PTPRZ1: variants seen among roughly 807,000 people sequenced by gnomAD.
The protein encoded by PTPRZ1 is protein tyrosine phosphatase receptor type Z1, also known as receptor-type tyrosine-protein phosphatase zeta.
A neutral mutation model predicts 214.1 loss-of-function variants in PTPRZ1; 82 were observed. The ratio of observed to expected loss-of-function variants is 0.38; its 90% confidence interval spans 0.32 to 0.46. PTPRZ1 has a LOEUF of 0.46. PTPRZ1 is among the 20% of genes least tolerant of loss of function. PTPRZ1 has a pLI of 1.00. For synonymous variants in PTPRZ1, 945 were observed against 987.9 expected (o/e 0.96, Z 0.81); for missense variants, 2,603 against 2,748.7 (o/e 0.95, Z 1.19).
intron 10 of PTPRZ1, among the ~76,000 whole-genome samples, chr7:122,003,134 A>G (rs927746457): frequency 6.6e-6 from 1 of 152,182 alleles, no homozygotes; most frequent in Non-Finnish European, 1.5e-5. Context: ...TTGGAAACGT[A>G]AAGAATAAAG....
At chr7:121,966,450 G>A (rs768813784) in intron 2 of PTPRZ1, among the ~76,000 whole-genome samples, 11 of 152,158 alleles carry the variant, frequency 7.2e-5, no homozygotes, top group Non-Finnish European at 1.3e-4. Context: ...AAAATAAGCA[G>A]TGTTTTCTTG....
At chr7:122,039,938 T>C (rs1436728811) in intron 20 of PTPRZ1, among the ~76,000 whole-genome samples, 1 of 150,108 alleles carries the variant, frequency 6.7e-6, no homozygotes, top group Non-Finnish European at 1.5e-5. Flanking sequence ...GCTAAGATCA[T>C]GCCACTGCAC....
intron 28 of PTPRZ1, chr7:122,059,474 GT>G (rs11409860): frequency 7.6e-6 from 2 of 263,452 alleles, no homozygotes; most frequent in South Asian, 9.4e-5. Context: ...ATACTCTCAG[GT>G]TTTTTTTATT....
At position 121,910,538 on chromosome 7, in the gene PTPRZ1, A is replaced by T. The variant is rs2116306076; in HGVS notation, c.59-17618A>T. ...GGAACACTTTTTATTTTAATGAGCTATTCAGTATTTCAGTAAGCTATTAAA... is the reference window on the plus strand; with the variant it reads ...GGAACACTTTTTATTTTAATGAGCTTTTCAGTATTTCAGTAAGCTATTAAA... On this transcript the variant is annotated intron_variant, in intron 1 of 29. Transcript: ENST00000393386. 2.6e-5 allele frequency among the ~76,000 whole-genome samples: 4 copies of T among 152,248 alleles called. 1 individual carries two copies. In the South Asian group the frequency reaches 8.3e-4, roughly 32 times the overall value.
intron 1 of PTPRZ1, among the ~76,000 whole-genome samples, chr7:121,907,564 T>C (rs1795153233): frequency 6.6e-6 from 1 of 152,024 alleles, no homozygotes; most frequent in South Asian, 2.1e-4. Context: ...AATCATAGGA[T>C]TAAGAGAATA....
At chr7:121,991,530 C>T (rs1416798272) in intron 8 of PTPRZ1, among the ~76,000 whole-genome samples, 3 of 152,194 alleles carry the variant, frequency 2.0e-5, no homozygotes, top group Admixed American at 6.5e-5. Flanking sequence ...CCTGAAAAAA[C>T]GTCATAATGA....
chr7:121,938,990 C>T (rs1796167511), intron 2 of PTPRZ1, among the ~76,000 whole-genome samples: 1 of 152,142 alleles, frequency 6.6e-6, no homozygotes, highest in Non-Finnish European at 1.5e-5. Context: ...TAAGCTTCTA[C>T]CAGGGCAAAA....
intron 8 of PTPRZ1, among the ~76,000 whole-genome samples, chr7:121,993,633 T>G (rs1486454201): frequency 6.9e-6 from 1 of 143,944 alleles, no homozygotes; most frequent in Non-Finnish European, 1.5e-5. Context: ...CTGATTTCAA[T>G]AGGAAATATA....
At chr7:122,000,161 C>T (rs1798274146) in intron 10 of PTPRZ1, among the ~76,000 whole-genome samples, 1 of 152,096 alleles carries the variant, frequency 6.6e-6, no homozygotes, top group Admixed American at 6.6e-5. Flanking sequence ...ACCTGTTCCT[C>T]CAAAGTTTGG....
chr7:121,969,291 G>C (rs942056371), intron 3 of PTPRZ1, among the ~76,000 whole-genome samples: 1 of 152,132 alleles, frequency 6.6e-6, no homozygotes, highest in Non-Finnish European at 1.5e-5. Context: ...GCTGGGCGCA[G>C]TGGCTCACGC....
intron 15 of PTPRZ1, chr7:122,031,771 C>G: frequency 3.3e-6 from 1 of 301,352 alleles, no homozygotes; most frequent in Non-Finnish European, 6.1e-6. Context: ...CCAAGTTGTA[C>G]TGGTGGAAAC....
At chr7:122,018,710 A>T (rs1798920321) in intron 12 of PTPRZ1, among the ~76,000 whole-genome samples, 1 of 152,202 alleles carries the variant, frequency 6.6e-6, no homozygotes, top group Admixed American at 6.5e-5. Context: ...GGTTAAAAAT[A>T]ATCCTATTTA....
At chr7:122,050,848 A>G (rs987630731) in intron 23 of PTPRZ1, among the ~76,000 whole-genome samples, 3 of 152,150 alleles carry the variant, frequency 2.0e-5, no homozygotes, top group Non-Finnish European at 4.4e-5. Context: ...CAAAAATAAA[A>G]CACTGAATAA....
At chr7:122,039,662 A>T (rs1391709659) in intron 20 of PTPRZ1, 74 bp downstream of exon 20, 1 of 1,539,392 alleles carries the variant, frequency 6.5e-7, no homozygotes, top group Non-Finnish European at 8.8e-7. Context: ...TAAGCGATAG[A>T]ACCAAGAAAG....
intron 1 of PTPRZ1, among the ~76,000 whole-genome samples, chr7:121,898,113 G>A (rs1794854128): frequency 6.6e-6 from 1 of 152,028 alleles, no homozygotes; most frequent in Non-Finnish European, 1.5e-5. Context: ...TATATAGAGA[G>A]CTATCAGTCC....
At chr7:122,053,177 C>T (rs1389732491) in intron 25 of PTPRZ1, among the ~76,000 whole-genome samples, 1 of 152,066 alleles carries the variant, frequency 6.6e-6, no homozygotes, top group Non-Finnish European at 1.5e-5. Flanking sequence ...ACCCATGGAC[C>T]AATGCCCCCA....
rs1197572845 is a variant in PTPRZ1, at chr7:121,919,548, G to T, written c.59-8608G>T. Among the ~76,000 whole-genome samples, 3 of 152,000 alleles carry T rather than the reference G, an allele frequency of 2.0e-5. No homozygotes were observed. The East Asian group carries it at 5.8e-4, about 29-fold the overall frequency. On this transcript the variant is annotated intron_variant, in intron 1 of 29. Coordinates refer to ENST00000393386, the MANE Select transcript of PTPRZ1 (RefSeq NM_002851.3). ...TATCCTTTTCTTCATACATAGAAAT[G>T]CATCCCCCATCTTATGATTAATTTA...
chr7:121,901,809 A>G (rs531585451), intron 1 of PTPRZ1, among the ~76,000 whole-genome samples: 3 of 152,328 alleles, frequency 2.0e-5, no homozygotes, highest in South Asian at 4.1e-4. Flanking sequence ...ATATCAGGGT[A>G]CTTAGCATAC....
intron 1 of PTPRZ1, among the ~76,000 whole-genome samples, chr7:121,898,449 A>C (rs557680299): frequency 6.6e-6 from 1 of 152,336 alleles, no homozygotes; most frequent in Non-Finnish European, 1.5e-5. Context: ...AATAGCTGTA[A>C]TATAAATGTA....
Sources: allele counts gnomAD v4.1 joint callset (sites outside exome capture counted in the v4.1 genomes callset), GRCh38; gene constraint gnomAD v4.1.1; transcripts MANE v1.5; gene names NCBI Gene and HGNC (gene_info 2026-07-23, HGNC 2026-07-21).